Variants in TJP1 observed in about 807,000 individuals in gnomAD.
The protein encoded by TJP1 is tight junction protein 1.
TJP1 carries 43 observed loss-of-function variants against 194.2 expected under a neutral mutation model. That is an observed-to-expected ratio of 0.22 (90% CI 0.17 to 0.29). The LOEUF (loss-of-function observed/expected upper bound fraction) is 0.29. TJP1 is among the 10% of genes least tolerant of loss of function. The pLI, the probability that TJP1 is intolerant of heterozygous loss-of-function variation, is 1.00. For missense variants in TJP1, 1,971 were observed against 2,185.7 expected, an observed-to-expected ratio of 0.90 and a Z score of 1.96; for synonymous variants, 801 against 779.0, an observed-to-expected ratio of 1.03 and a Z score of -0.47.
intron 2 of TJP1, among the ~76,000 whole-genome samples, chr15:29,943,071 T>C (rs1438652128): frequency 2.0e-5 from 3 of 152,168 alleles, no homozygotes; most frequent in Admixed American, 2.0e-4. Context: ...ATAAAATAAC[T>C]GCAAGCTGTG....
chr15:29,787,632 A>G (rs1210561657), intron 2 of TJP1, among the ~76,000 whole-genome samples: 1 of 152,200 alleles, frequency 6.6e-6, no homozygotes, highest in Non-Finnish European at 1.5e-5. Context: ...TCTTTCAGTT[A>G]GCATAATGTT....
In TJP1 at chr15:29,721,883, T is replaced by TG. The variant is rs2042949725; in HGVS notation, c.2413-1176dup. Among the ~76,000 whole-genome samples the TG allele has an allele frequency of 2.0e-5, 3 of 152,230 alleles. No homozygotes were observed. The South Asian group carries it at 6.2e-4, about 32-fold the overall frequency. On this transcript the variant is annotated intron_variant, in intron 18 of 27. Transcript: ENST00000614355. ...AAAGACACTGGTGGCACTGTGCCCCTGCTCTAGTGATCTGTGGAACTTTGA... is the reference window on the plus strand; with the variant it reads ...AAAGACACTGGTGGCACTGTGCCCCTGGCTCTAGTGATCTGTGGAACTTTGA...
intron 2 of TJP1, among the ~76,000 whole-genome samples, chr15:29,902,894 C>T (rs1196520580): frequency 6.6e-6 from 1 of 152,094 alleles, no homozygotes; most frequent in East Asian, 1.9e-4. Context: ...ATTAGCCAGG[C>T]GTGGCGGCGG....
intron 1 of TJP1, among the ~76,000 whole-genome samples, chr15:29,811,010 A>C (rs1200499858): frequency 6.6e-6 from 1 of 152,184 alleles, no homozygotes; most frequent in Non-Finnish European, 1.5e-5. Context: ...ATATATAGTC[A>C]CAAAGTTAAA....
intron 8 of TJP1, among the ~76,000 whole-genome samples, chr15:29,743,312 C>T (rs2151360180): frequency 6.6e-6 from 1 of 152,230 alleles, no homozygotes; most frequent in East Asian, 1.9e-4. Context: ...CTGGGCTGAA[C>T]TAAATGAAAT....
In TJP1 at chr15:29,763,545, G is replaced by A. The variant is rs1429496478; in HGVS notation, c.590-1107C>T. Among the ~76,000 whole-genome samples, 5 of 152,082 alleles carry A rather than the reference G, an allele frequency of 3.3e-5. 1 individual carries two copies. In the East Asian group the frequency reaches 7.8e-4, roughly 24 times the overall value. On this transcript the variant is annotated intron_variant, in intron 5 of 27. Transcript: ENST00000614355. The stretch of plus-strand genomic sequence containing the variant: ...AGCACTTTGGGAGGCCAAGGCGGGC[G>A]GACCACAAGGTCAGGAGTTCGAGAC...
chr15:29,921,266 G>C (rs2054348703), intron 2 of TJP1, among the ~76,000 whole-genome samples: 1 of 152,172 alleles, frequency 6.6e-6, no homozygotes, highest in Non-Finnish European at 1.5e-5. Context: ...AAACAGTCCT[G>C]CCTTGATCTT....
chr15:29,752,815 G>A (rs2151450846), intron 8 of TJP1, among the ~76,000 whole-genome samples: 1 of 152,202 alleles, frequency 6.6e-6, no homozygotes, highest in Middle Eastern at 3.4e-3. Flanking sequence ...TTTTAAAACA[G>A]AAAAAATTCA....
chr15:29,865,215 C>T (rs984246747), intron 2 of TJP1, among the ~76,000 whole-genome samples: 9 of 152,164 alleles, frequency 5.9e-5, no homozygotes, highest in Admixed American at 2.0e-4. Context: ...TCTGATAAGA[C>T]GAGAATTACT....
At position 29,852,024 on chromosome 15, in the gene TJP1, T is replaced by C. The variant is rs563019891; in HGVS notation, c.307-51322A>G. 4.6e-5 allele frequency among the ~76,000 whole-genome samples: 7 copies of C among 152,298 alleles called. No homozygotes were observed. The South Asian group carries it at 1.2e-3, about 27-fold the overall frequency. On this transcript the variant is annotated intron_variant, in intron 2 of 28. Transcript: ENST00000356107. ...AAGTATTATAAAATTATAAAACTTT[T>C]AAGGTAAAAAATGAGAAAATCTTTG...
At chr15:29,848,441 T>C (rs2051504098) in intron 2 of TJP1, among the ~76,000 whole-genome samples, 1 of 152,248 alleles carries the variant, frequency 6.6e-6, no homozygotes, top group Non-Finnish European at 1.5e-5. Flanking sequence ...ATATTAAGCA[T>C]ATCTTAAAAT....
At chr15:29,720,872 C>T (rs564152339) in intron 18 of TJP1, among the ~76,000 whole-genome samples, 164 bp from the exon 19 acceptor site, 33 of 152,270 alleles carry the variant, frequency 2.2e-4, no homozygotes, top group East Asian at 9.7e-4. Flanking sequence ...CAAGCACACA[C>T]GCAGACACAT....
chr15:29,909,012 C>G (rs928145311), intron 2 of TJP1, among the ~76,000 whole-genome samples: 1 of 151,862 alleles, frequency 6.6e-6, no homozygotes, highest in Non-Finnish European at 1.5e-5. Context: ...AAAAAATTAT[C>G]CGGGTGTGGT....
At chr15:29,754,331 C>A (rs1030804349) in intron 8 of TJP1, among the ~76,000 whole-genome samples, 3 of 151,952 alleles carry the variant, frequency 2.0e-5, no homozygotes, top group South Asian at 2.1e-4. Flanking sequence ...TAAGAACTTA[C>A]GAACACAAAG....
chr15:29,714,614 C>A (rs940647614), intron 23 of TJP1, among the ~76,000 whole-genome samples: 1 of 145,238 alleles, frequency 6.9e-6, no homozygotes, highest in African/African-American at 2.6e-5. Context: ...GATCTCGGCT[C>A]ACTGCAAGCT....
At chr15:29,909,772 T>C (rs1227608278) in intron 2 of TJP1, among the ~76,000 whole-genome samples, 1 of 151,892 alleles carries the variant, frequency 6.6e-6, no homozygotes, top group Non-Finnish European at 1.5e-5. Context: ...CCAAGCAGAA[T>C]GTCTTTATGC....
chr15:29,901,940 G>A (rs546873113), intron 2 of TJP1, among the ~76,000 whole-genome samples: 5 of 151,784 alleles, frequency 3.3e-5, no homozygotes, highest in East Asian at 1.9e-4. Flanking sequence ...GTACCAGCCC[G>A]TAATTCTGCA....
At chr15:29,782,044 A>G (rs1806891067) in intron 2 of TJP1, among the ~76,000 whole-genome samples, 1 of 152,232 alleles carries the variant, frequency 6.6e-6, no homozygotes, top group African/African-American at 2.4e-5. Context: ...CTGTTTGCAG[A>G]TGACATGATT....
chr15:29,948,725 C>T (rs1483755188), intron 2 of TJP1, among the ~76,000 whole-genome samples: 2 of 152,160 alleles, frequency 1.3e-5, no homozygotes, highest in Admixed American at 1.3e-4. Context: ...TCAATTAGCC[C>T]TGAAGAACAT....
Sources: gnomAD v4.1 joint callset for allele counts (sites outside exome capture counted in the v4.1 genomes callset) on GRCh38, gnomAD v4.1.1 for gene constraint, MANE v1.5 for transcripts, NCBI Gene and HGNC (gene_info 2026-07-23, HGNC 2026-07-21) for gene names.